TGFBR3: variants seen among roughly 807,000 people sequenced by gnomAD.
TGFBR3 encodes the protein transforming growth factor beta receptor type 3.
In TGFBR3, 46 loss-of-function variants were observed where a neutral mutation model predicts 87.9. The observed-to-expected ratio is 0.52, with a 90% CI of 0.41 to 0.67. The LOEUF (loss-of-function observed/expected upper bound fraction) is 0.67. Among genes scored for constraint, TGFBR3 ranks in the 30% least tolerant of loss-of-function variants. The pLI is 0.00. For synonymous variants in TGFBR3, 381 were observed against 391.6 expected, an observed-to-expected ratio of 0.97 and a Z score of 0.32; for missense variants, 866 against 1,041.9, an observed-to-expected ratio of 0.83 and a Z score of 2.32.
chr1:91,904,051 C>G (rs916294438), intron 1 of TGFBR3, among the ~76,000 whole-genome samples: 28 of 152,058 alleles, frequency 1.8e-4, no homozygotes, highest in Middle Eastern at 3.4e-3. Context: ...GTGGCGCGTT[C>G]CTATAATCTG....
rs147778797 is a variant in TGFBR3 at position 91,857,431 on chromosome 1, G to T, written c.61+4040C>A. Reference sequence around the variant, plus strand: ...CAGGTTTTCCCACCTGGTGAACTCAGTGCCTCCTTCTTCCTAGATTCTGCC... The same window carrying T: ...CAGGTTTTCCCACCTGGTGAACTCATTGCCTCCTTCTTCCTAGATTCTGCC... On this transcript the variant is annotated intron_variant, in intron 2 of 16. Coordinates refer to ENST00000212355, the MANE Select transcript of TGFBR3 (RefSeq NM_003243.5). 3.7e-3 allele frequency among the ~76,000 whole-genome samples: 563 copies of T among 151,714 alleles called. 4 individuals are homozygous for T. Among genetic ancestry groups the T allele is most frequent in the Non-Finnish European group, 4.3e-3 (295 of 68,000 alleles).
At chr1:91,801,864 A>G (rs1349051101) in intron 2 of TGFBR3, among the ~76,000 whole-genome samples, 1 of 152,220 alleles carries the variant, frequency 6.6e-6, no homozygotes, top group Non-Finnish European at 1.5e-5. Context: ...AAAGGTACAC[A>G]TCCTTTGACC....
At chr1:91,772,402 G>A (rs1557702453) in intron 3 of TGFBR3, among the ~76,000 whole-genome samples, 1 of 152,000 alleles carries the variant, frequency 6.6e-6, no homozygotes, top group Non-Finnish European at 1.5e-5. Flanking sequence ...GGAATATCTT[G>A]CATGGTGAGA....
chr1:91,864,644 T>C (rs1425371332), intron 1 of TGFBR3, among the ~76,000 whole-genome samples: 1 of 152,184 alleles, frequency 6.6e-6, no homozygotes, highest in Non-Finnish European at 1.5e-5. Context: ...GGGAAGTGTG[T>C]CATTCTCATT....
At chr1:91,801,099 A>AAGAG (rs374344523) in intron 2 of TGFBR3, 38 of 175,148 alleles carry the variant, frequency 2.2e-4, no homozygotes, top group Middle Eastern at 2.7e-3. Context: ...AAAAAAAAAA[A>AAGAG]AGAGAGAGAG....
At chr1:91,709,310 T>C (rs1480053532) in intron 13 of TGFBR3, among the ~76,000 whole-genome samples, 1 of 152,208 alleles carries the variant, frequency 6.6e-6, no homozygotes, top group Non-Finnish European at 1.5e-5. Flanking sequence ...ACTTTAAACA[T>C]GCTCAGAACA....
chr1:91,697,629 G>A (rs1671477086), intron 15 of TGFBR3, among the ~76,000 whole-genome samples: 2 of 152,134 alleles, frequency 1.3e-5, no homozygotes, highest in Admixed American at 6.5e-5. Flanking sequence ...GCTCTTCCTG[G>A]GGCCCCCAGC....
In TGFBR3 at chr1:91,690,578, T is replaced by C. The variant is rs372274673; in HGVS notation, c.2437+5094A>G. ...AATTTGTCTCCTGCAGAATTTGCCA[T>C]GCGCTTCACTATTTGCATTCGGGAA... On this transcript the variant is annotated intron_variant, in intron 16 of 16. Coordinates refer to ENST00000212355, the MANE Select transcript of TGFBR3 (RefSeq NM_003243.5). 1.8e-4 allele frequency among the ~76,000 whole-genome samples: 28 copies of C among 152,278 alleles called. No individual in the cohort carries two copies. In the East Asian group the frequency reaches 4.2e-3, roughly 23 times the overall value.
At chr1:91,887,200 G>GGCT (rs930931290), upstream of TGFBR3, among the ~76,000 whole-genome samples, 2 of 135,292 alleles carry the variant, frequency 1.5e-5, no homozygotes, top group Non-Finnish European at 3.1e-5. Context: ...TGGCCTAGAA[G>GGCT]GCTTCTTCCA....
At chr1:91,823,447 A>G (rs1315193548) in intron 2 of TGFBR3, among the ~76,000 whole-genome samples, 1 of 152,230 alleles carries the variant, frequency 6.6e-6, no homozygotes, top group Non-Finnish European at 1.5e-5. Context: ...TTAACTGCAT[A>G]ATACTAAAAG....
At chr1:91,819,211 T>C (rs1474579289) in intron 2 of TGFBR3, among the ~76,000 whole-genome samples, 1 of 151,910 alleles carries the variant, frequency 6.6e-6, no homozygotes, top group Non-Finnish European at 1.5e-5. Flanking sequence ...CTACTAAGAA[T>C]ACAAAAATTA....
intron 5 of TGFBR3, among the ~76,000 whole-genome samples, chr1:91,732,522 C>T (rs961648517): frequency 6.6e-6 from 1 of 152,158 alleles, no homozygotes; most frequent in Non-Finnish European, 1.5e-5. Context: ...GGCCTGCGAT[C>T]GCTGGGTACA....
upstream of TGFBR3, chr1:91,886,159 T>A (rs900370825): frequency 7.3e-5 from 33 of 453,944 alleles, no homozygotes; most frequent in Middle Eastern, 6.9e-4. Context: ...ATTACCCCCA[T>A]CAGGCCGACC....
At chr1:91,818,264 C>G in intron 2 of TGFBR3, among the ~76,000 whole-genome samples, 1 of 123,848 alleles carries the variant, frequency 8.1e-6, no homozygotes, top group Non-Finnish European at 1.7e-5. Flanking sequence ...GCACCATTTC[C>G]CCTTAGCCCC....
intron 4 of TGFBR3, among the ~76,000 whole-genome samples, chr1:91,740,099 AC>A (rs1346361237): frequency 2.0e-5 from 3 of 152,110 alleles, no homozygotes; most frequent in African/African-American, 7.2e-5. Context: ...TGCTCTTGTC[AC>A]CCAGGCTGAA....
intron 3 of TGFBR3, among the ~76,000 whole-genome samples, chr1:91,773,531 ATTAG>A (rs1381506758): frequency 6.6e-6 from 1 of 152,160 alleles, no homozygotes; most frequent in East Asian, 1.9e-4. Context: ...AAATACAAAA[ATTAG>A]TTAGGCTTGG....
At chr1:91,784,928 C>T (rs2391068) in intron 3 of TGFBR3, among the ~76,000 whole-genome samples, 25,147 of 152,174 alleles carry the variant, frequency 0.17, 2,995 homozygotes, top group African/African-American at 0.33. Flanking sequence ...CAAGCTCTTC[C>T]TGCAAAGGGC....
chr1:91,744,717 C>T (rs752443566), intron 4 of TGFBR3, among the ~76,000 whole-genome samples: 43 of 152,262 alleles, frequency 2.8e-4, no homozygotes, highest in African/African-American at 1.0e-3. Context: ...ATGATTCTGA[C>T]GCATACTTGA....
chr1:91,771,528 C>A (rs1674376854), intron 3 of TGFBR3, among the ~76,000 whole-genome samples: 1 of 151,788 alleles, frequency 6.6e-6, no homozygotes, highest in Non-Finnish European at 1.5e-5. Flanking sequence ...CACGGTGAAA[C>A]CCCGTCTCTA....
Sources: allele counts gnomAD v4.1 joint callset (sites outside exome capture counted in the v4.1 genomes callset), GRCh38; gene constraint gnomAD v4.1.1; transcripts MANE v1.5; gene names NCBI Gene and HGNC (gene_info 2026-07-23, HGNC 2026-07-21).